Variants in PPM1H observed in about 807,000 individuals in gnomAD.
PPM1H encodes the protein protein phosphatase 1H.
A neutral mutation model predicts 54.9 loss-of-function variants in PPM1H; 27 were observed. The ratio of observed to expected loss-of-function variants is 0.49; its 90% CI spans 0.36 to 0.68. The LOEUF (loss-of-function observed/expected upper bound fraction) is 0.68. PPM1H is among the 30% of genes least tolerant of loss of function. PPM1H has a pLI of 0.00. For synonymous variants in PPM1H, 305 were observed against 270.8 expected (o/e 1.13, Z -1.24); for missense variants, 596 against 667.8 (o/e 0.89, Z 1.19).
At chr12:62,715,254 G>A (rs959645786) in intron 6 of PPM1H, among the ~76,000 whole-genome samples, 3 of 152,210 alleles carry the variant, frequency 2.0e-5, no homozygotes, top group Non-Finnish European at 2.9e-5. Flanking sequence ...TCAACACAAA[G>A]GGATGGGGAG....
chr12:62,654,114 C>T (rs561030394), intron 9 of PPM1H, among the ~76,000 whole-genome samples: 4 of 149,464 alleles, frequency 2.7e-5, no homozygotes, highest in East Asian at 2.0e-4. Flanking sequence ...ACATGCCTGT[C>T]GTCCCAGCTA....
At chr12:62,770,689 C>A (rs2076574066) in intron 4 of PPM1H, among the ~76,000 whole-genome samples, 1 of 151,944 alleles carries the variant, frequency 6.6e-6, no homozygotes, top group Non-Finnish European at 1.5e-5. Flanking sequence ...GGTGGGGGAA[C>A]AATTATACAA....
chr12:62,823,161 C>T (rs2076914962), intron 2 of PPM1H, among the ~76,000 whole-genome samples: 2 of 152,152 alleles, frequency 1.3e-5, no homozygotes, highest in South Asian at 2.1e-4. Context: ...GGATAAATTC[C>T]GGGACACATA....
intron 1 of PPM1H, among the ~76,000 whole-genome samples, chr12:62,874,147 C>A (rs1446677964): frequency 6.6e-6 from 1 of 152,156 alleles, no homozygotes; most frequent in African/African-American, 2.4e-5. Flanking sequence ...AGACTTTTCA[C>A]AAGGGAATGT....
chr12:62,755,949 C>A, intron 4 of PPM1H: 2 of 877,916 alleles, frequency 2.3e-6, no homozygotes, highest in South Asian at 2.8e-5. Context: ...GCCAATGTGT[C>A]AGTTGTGGGC....
At chr12:62,853,406 G>A (rs970556566) in intron 1 of PPM1H, among the ~76,000 whole-genome samples, 1 of 152,138 alleles carries the variant, frequency 6.6e-6, no homozygotes, top group Non-Finnish European at 1.5e-5. Flanking sequence ...TTAATCCTAT[G>A]AGGAAATGAA....
rs995726111 is a variant in PPM1H at position 62,780,365 on chromosome 12, A to G, written c.869+7861T>C. Among the ~76,000 whole-genome samples the G allele has an allele frequency of 7.2e-5, 11 of 152,172 alleles. No homozygotes were observed. The South Asian group carries it at 2.3e-3, about 32-fold the overall frequency. ...CACCCAGGCTAGAATGCATTGGTGCAATCATGGCACACTGCAGCCCAACCT... is the reference window on the plus strand; with the variant it reads ...CACCCAGGCTAGAATGCATTGGTGCGATCATGGCACACTGCAGCCCAACCT... On this transcript the variant is annotated intron_variant, in intron 4 of 9. Coordinates refer to ENST00000228705, the MANE Select transcript of PPM1H (RefSeq NM_020700.2).
Position 62,646,678 on chromosome 12 carries a change from C to T in PPM1H, c.*1811G>A, listed in dbSNP as rs1344338135. The T allele has an allele frequency of 1.3e-5, 2 of 152,248 alleles. No individual in the cohort carries two copies. Among genetic ancestry groups the T allele is most frequent in the South Asian group, 2.1e-4 (1 of 4,830 alleles). 9.4% of individuals were successfully genotyped at this position (152,248 alleles called of 1,614,324 possible). On this transcript the variant is annotated 3_prime_UTR_variant, in exon 10 of 10. Coordinates refer to ENST00000228705, the MANE Select transcript of PPM1H (RefSeq NM_020700.2). ...AGATGAAGACAACTCCTGACAAGGCCGAAGTCCCATTCTTCCCAGGCCAAC... is the reference window on the plus strand; with the variant it reads ...AGATGAAGACAACTCCTGACAAGGCTGAAGTCCCATTCTTCCCAGGCCAAC...
chr12:62,659,944 A>T (rs1016229962), intron 9 of PPM1H, among the ~76,000 whole-genome samples: 1 of 152,224 alleles, frequency 6.6e-6, no homozygotes, highest in Non-Finnish European at 1.5e-5. Context: ...GCTTGAACCC[A>T]GCAACTCTCC....
chr12:62,647,386 C>CTT lies in PPM1H; in HGVS notation c.*1101_*1102dup, dbSNP rs886565553. 4 of 152,216 alleles carry CTT rather than the reference C, an allele frequency of 2.6e-5. No individual in the cohort carries two copies. Among genetic ancestry groups the CTT allele is most frequent in the African/African-American group, 9.6e-5 (4 of 41,456 alleles). 9.4% of individuals were successfully genotyped at this position (152,216 alleles called of 1,614,324 possible). A position where few individuals can be genotyped will look rare whatever the true frequency, so the allele number is the denominator to read the frequency against. On this transcript the variant is annotated 3_prime_UTR_variant, in exon 10 of 10. Transcript: ENST00000228705. ...GCTGCTCCTTGACAGAACTCTGATC[C>CTT]TTACACTTTGTTTGGAGTGGGCTTG...
intron 8 of PPM1H, among the ~76,000 whole-genome samples, chr12:62,678,801 G>A (rs539379690): frequency 1.1e-4 from 16 of 151,636 alleles, no homozygotes; most frequent in Admixed American, 2.0e-4. Flanking sequence ...AGACATTCTC[G>A]TGCCTTAGCC....
At chr12:62,649,659 G>A (rs1024816597) in intron 9 of PPM1H, among the ~76,000 whole-genome samples, 1 of 152,132 alleles carries the variant, frequency 6.6e-6, no homozygotes, top group African/African-American at 2.4e-5. Flanking sequence ...TTCTGATTTC[G>A]TGTTCACCAA....
chr12:62,829,208 C>T (rs1868324500), intron 2 of PPM1H, among the ~76,000 whole-genome samples: 1 of 152,178 alleles, frequency 6.6e-6, no homozygotes, highest in Non-Finnish European at 1.5e-5. Flanking sequence ...GCTCACATTA[C>T]AACATGGGTA....
intron 9 of PPM1H, among the ~76,000 whole-genome samples, chr12:62,664,513 A>G (rs540722435): frequency 6.6e-5 from 10 of 152,248 alleles, no homozygotes; most frequent in Non-Finnish European, 1.2e-4. Context: ...GCCTAAAGTT[A>G]AACACCATTA....
chr12:62,884,967 G>C (rs1181174817), intron 1 of PPM1H, among the ~76,000 whole-genome samples: 1 of 152,170 alleles, frequency 6.6e-6, no homozygotes, highest in Non-Finnish European at 1.5e-5. Context: ...CCGAGTCTGG[G>C]AAGAAAAAGA....
intron 9 of PPM1H, among the ~76,000 whole-genome samples, chr12:62,656,112 C>T (rs1357214536): frequency 2.6e-5 from 4 of 152,204 alleles, no homozygotes; most frequent in Non-Finnish European, 5.9e-5. Flanking sequence ...GCCATAAATC[C>T]TCGATTGTCC....
rs533789575 is a variant in PPM1H, at chr12:62,701,684, T to G, written c.1074-7685A>C. On this transcript the variant is annotated intron_variant, in intron 6 of 9. Coordinates refer to ENST00000228705, the MANE Select transcript of PPM1H (RefSeq NM_020700.2). ...CAATGGCTTTCTTGTTTGTTTGTTTTTTTTTTTTGACACACCAGGGGGCCT... is the reference window on the plus strand; with the variant it reads ...CAATGGCTTTCTTGTTTGTTTGTTTGTTTTTTTTGACACACCAGGGGGCCT... 5.2e-3 allele frequency among the ~76,000 whole-genome samples: 789 copies of G among 151,626 alleles called. 6 individuals carry two copies. Among genetic ancestry groups the G allele is most frequent in the African/African-American group, 0.012 (475 of 41,040 alleles).
chr12:62,834,524 C>T (rs985631656), intron 1 of PPM1H, among the ~76,000 whole-genome samples: 10 of 152,168 alleles, frequency 6.6e-5, no homozygotes, highest in African/African-American at 2.4e-4. Flanking sequence ...ACAGGTTGAG[C>T]TGGACTGTGG....
chr12:62,729,796 G>A (rs934679667), intron 5 of PPM1H, among the ~76,000 whole-genome samples: 29 of 152,128 alleles, frequency 1.9e-4, no homozygotes, highest in Admixed American at 6.5e-4. Flanking sequence ...CTCATTCTCC[G>A]TGCTGTATGT....
Sources: allele counts gnomAD v4.1 joint callset (sites outside exome capture counted in the v4.1 genomes callset), GRCh38; gene constraint gnomAD v4.1.1; transcripts MANE v1.5; gene names NCBI Gene and HGNC (gene_info 2026-07-23, HGNC 2026-07-21).